Variants in TNRC6C observed in about 807,000 individuals in gnomAD.
TNRC6C encodes trinucleotide repeat containing adaptor 6C.
Under a neutral mutation model 153.7 loss-of-function variants are expected in TNRC6C, and 20 were observed. The ratio of observed to expected loss-of-function variants is 0.13; its 90% CI spans 0.09 to 0.19. The LOEUF (loss-of-function observed/expected upper bound fraction) is 0.19, where lower values mean the gene tolerates loss of function less well. Ranked by LOEUF, TNRC6C falls within the 10% of genes least tolerant of loss-of-function variation. The pLI is 1.00. For missense variants in TNRC6C, 1,987 were observed against 2,172.0 expected (o/e 0.91, Z 1.69); for synonymous variants, 811 against 841.4 (o/e 0.96, Z 0.63).
At chr17:78,054,828 G>A (rs149799010) in intron 3 of TNRC6C, among the ~76,000 whole-genome samples, 250 of 139,928 alleles carry the variant, frequency 1.8e-3, no homozygotes, top group African/African-American at 6.2e-3. Context: ...ACTACTGTAC[G>A]CTACCATACA....
At chr17:77,961,436 G>A (rs899163465) in intron 1 of TNRC6C, among the ~76,000 whole-genome samples, 1 of 152,182 alleles carries the variant, frequency 6.6e-6, no homozygotes, top group Admixed American at 6.5e-5. Context: ...GATTACAGGC[G>A]TGAGCCACCA....
chr17:78,042,243 C>T (rs2072311229), intron 2 of TNRC6C, among the ~76,000 whole-genome samples: 1 of 152,048 alleles, frequency 6.6e-6, no homozygotes, highest in Non-Finnish European at 1.5e-5. Context: ...AGCTTCATTT[C>T]TTTTTTCTTT....
exon 3 of TNRC6C, chr17:78,050,990 A>G (rs1166008921): frequency 1.9e-6 from 3 of 1,613,876 alleles, no homozygotes; most frequent in South Asian, 1.1e-5. Flanking sequence ...GGCTGGGGCA[A>G]CAGCACAAAT....
At chr17:78,082,960 A>G in intron 10 of TNRC6C, 87 bp from the exon 13 acceptor site, 2 of 1,496,656 alleles carry the variant, frequency 1.3e-6, no homozygotes, top group Non-Finnish European at 9.1e-7. Context: ...TTATCATTTA[A>G]TCATTTTTGA....
chr17:78,093,688 C>A, exon 16 of TNRC6C: 1 of 1,613,990 alleles, frequency 6.2e-7, no homozygotes, highest in Non-Finnish European at 8.5e-7. Context: ...TGACGTCACT[C>A]CTGGCAGTGT....
chr17:78,097,912 A>G, intron 16 of TNRC6C, 51 bp downstream of exon 19: 1 of 1,407,024 alleles, frequency 7.1e-7, no homozygotes, highest in South Asian at 1.3e-5. Flanking sequence ...TCTTTTCCCA[A>G]ACAAAACTTT....
chr17:78,031,731 A>G (rs1027715201), exon 2 of TNRC6C: 11 of 1,232,210 alleles, frequency 8.9e-6, no homozygotes, highest in African/African-American at 1.6e-5. Context: ...GCCATTGCCT[A>G]CGGGGACTCT....
At chr17:77,991,771 A>G (rs749250269) in intron 1 of TNRC6C, among the ~76,000 whole-genome samples, 1 of 152,220 alleles carries the variant, frequency 6.6e-6, no homozygotes, top group Admixed American at 6.5e-5. Context: ...CAGCCTTACT[A>G]TCAGTTCATT....
chr17:78,007,216 A>G (rs2071536327), intron 1 of TNRC6C, among the ~76,000 whole-genome samples: 1 of 152,196 alleles, frequency 6.6e-6, no homozygotes, highest in African/African-American at 2.4e-5. Flanking sequence ...ATCCTCTAAA[A>G]TACTGTTCCT....
chr17:78,023,688 C>G (rs2071879264), intron 1 of TNRC6C, among the ~76,000 whole-genome samples: 1 of 152,112 alleles, frequency 6.6e-6, no homozygotes, highest in Admixed American at 6.5e-5. Context: ...CATCTGTCGT[C>G]CTAGCCACTT....
chr17:77,976,726 A>G (rs1330620584), intron 1 of TNRC6C, among the ~76,000 whole-genome samples: 1 of 152,026 alleles, frequency 6.6e-6, no homozygotes, highest in Admixed American at 6.6e-5. Context: ...GTCAGGAGTT[A>G]GAGATCAGCC....
At position 78,087,594 on chromosome 17, in the gene TNRC6C, T is replaced by C. The variant is rs577896661; in HGVS notation, c.3802+501T>C. On this transcript the variant is annotated intron_variant, in intron 13 of 19. Coordinates refer to ENST00000301624, the Ensembl canonical transcript of TNRC6C. ...GTTCTGTTCCTAGTCTACTCTGAAC[T>C]GTACTTTACCAGCCACTGTCCTCCA... Among the ~76,000 whole-genome samples, 3 of 152,356 alleles carry C rather than the reference T, an allele frequency of 2.0e-5. No individual in the cohort carries two copies. In the South Asian group the frequency reaches 6.2e-4, roughly 32 times the overall value.
intron 2 of TNRC6C, among the ~76,000 whole-genome samples, chr17:78,037,410 C>T (rs1043682200): frequency 6.6e-6 from 1 of 152,224 alleles, no homozygotes; most frequent in Non-Finnish European, 1.5e-5. Flanking sequence ...ATAAGTAAGT[C>T]AGCCACTTCA....
At chr17:78,038,239 G>A (rs938185817) in intron 2 of TNRC6C, among the ~76,000 whole-genome samples, 2 of 152,166 alleles carry the variant, frequency 1.3e-5, no homozygotes, top group Non-Finnish European at 1.5e-5. Flanking sequence ...TGTTTACAGT[G>A]TAAATAGCAA....
intron 1 of TNRC6C, among the ~76,000 whole-genome samples, chr17:77,974,210 A>G (rs1377670401): frequency 1.3e-5 from 2 of 152,330 alleles, no homozygotes; most frequent in East Asian, 1.9e-4. Flanking sequence ...TAACTTAATA[A>G]TAAGACAAAG....
intron 2 of TNRC6C, among the ~76,000 whole-genome samples, chr17:78,042,740 GTCA>G (rs2072322669): frequency 1.3e-5 from 2 of 152,010 alleles, no homozygotes; most frequent in South Asian, 2.1e-4. Context: ...GATGGTAGTG[GTCA>G]TCATGATGCT....
At chr17:78,004,980 C>G, upstream of TNRC6C, 1 of 1,083,610 alleles carries the variant, frequency 9.2e-7, no homozygotes, top group Non-Finnish European at 1.2e-6. Flanking sequence ...TGCTTATAAA[C>G]TTTCATAGAT....
upstream of TNRC6C, among the ~76,000 whole-genome samples, chr17:78,002,834 A>G (rs2071433858): frequency 6.6e-6 from 1 of 152,224 alleles, no homozygotes; most frequent in African/African-American, 2.4e-5. Context: ...AATAAATAGC[A>G]CATGTTAGTT....
intron 1 of TNRC6C, among the ~76,000 whole-genome samples, chr17:77,986,291 T>C (rs2071166257): frequency 6.6e-6 from 1 of 152,032 alleles, no homozygotes; most frequent in African/African-American, 2.4e-5. Flanking sequence ...GGCACATGCC[T>C]GTAATCCCAG....
Sources: gnomAD v4.1 joint callset for allele counts (sites outside exome capture counted in the v4.1 genomes callset) on GRCh38, gnomAD v4.1.1 for gene constraint, MANE v1.5 for transcripts, NCBI Gene and HGNC (gene_info 2026-07-23, HGNC 2026-07-21) for gene names.